Variants in ZZEF1 observed in about 807,000 individuals in gnomAD.
ZZEF1 encodes zinc finger ZZ-type and EF-hand domain-containing protein 1.
A neutral mutation model predicts 342.8 loss-of-function variants in ZZEF1; 157 were observed. The observed-to-expected ratio is 0.46, with a 90% confidence interval of 0.40 to 0.52. The LOEUF is 0.52. ZZEF1 is among the 20% of genes least tolerant of loss of function. The pLI is 0.00. For synonymous variants in ZZEF1, 1,505 were observed against 1,429.1 expected (o/e 1.05, Z -1.20); for missense variants, 3,480 against 3,725.6 (o/e 0.93, Z 1.72).
intron 3 of ZZEF1, among the ~76,000 whole-genome samples, chr17:4,116,516 C>G (rs1360371616): frequency 1.3e-5 from 2 of 152,248 alleles, no homozygotes; most frequent in Admixed American, 1.3e-4. Flanking sequence ...CTGTTGCCAT[C>G]TCCAAGTGAG....
chr17:4,135,251 G>A (rs2058730052), intron 1 of ZZEF1, among the ~76,000 whole-genome samples: 2 of 152,150 alleles, frequency 1.3e-5, no homozygotes, highest in Non-Finnish European at 2.9e-5. Context: ...CAAGGCAGTA[G>A]GATTGCTTGA....
At chr17:4,069,788 G>A (rs1033384428) in intron 26 of ZZEF1, among the ~76,000 whole-genome samples, 1 of 152,126 alleles carries the variant, frequency 6.6e-6, no homozygotes, top group Admixed American at 6.5e-5. Flanking sequence ...TCAAGATCGC[G>A]CCACTGCACT....
intron 39 of ZZEF1, among the ~76,000 whole-genome samples, chr17:4,036,281 G>A (rs1329920096): frequency 6.6e-6 from 1 of 152,140 alleles, no homozygotes; most frequent in East Asian, 1.9e-4. Context: ...ATTCTCATGT[G>A]TGTGTGGGGT....
Position 4,008,844 on chromosome 17 carries a change from C to T in ZZEF1, c.8805+39G>A, listed in dbSNP as rs2055868763. ...CTGGCAATGGTGAGATGGTGGCGCCCCAGCCTGGGGGCCAGCTCTGTTGGG... is the reference window on the plus strand; with the variant it reads ...CTGGCAATGGTGAGATGGTGGCGCCTCAGCCTGGGGGCCAGCTCTGTTGGG... On this transcript the variant is annotated intron_variant, in intron 54 of 54. Coordinates refer to ENST00000381638, the MANE Select transcript of ZZEF1 (RefSeq NM_015113.4). This position sits in a 1 kb window ranked among gnomAD's most constrained non-coding sequence, Gnocchi z 4.2. 1.9e-6 allele frequency: 3 copies of T among 1,541,472 alleles called. No homozygotes were observed. The highest frequency in any genetic ancestry group is 2.7e-5 in the African/African-American group (2 of 73,068).
At chr17:4,089,168 G>A (rs1368642389) in intron 12 of ZZEF1, among the ~76,000 whole-genome samples, 1 of 152,140 alleles carries the variant, frequency 6.6e-6, no homozygotes, top group Non-Finnish European at 1.5e-5. Context: ...CCAGAATAGA[G>A]GATGAAGAAA....
In ZZEF1 at chr17:4,019,782, G is replaced by T. The variant is rs757052886; in HGVS notation, c.7405-13C>A. 10 of 1,594,080 alleles carry T rather than the reference G, an allele frequency of 6.3e-6. No individual in the cohort carries two copies. In the East Asian group the frequency reaches 1.1e-4, roughly 18 times the overall value. ...CATCATGAGCCATCTGGAGGCCAGGGGAGGACGCAGACAAGAACCATTAAC... is the reference window on the plus strand; with the variant it reads ...CATCATGAGCCATCTGGAGGCCAGGTGAGGACGCAGACAAGAACCATTAAC... On this transcript the variant is annotated splice_polypyrimidine_tract_variant and intron_variant, in intron 45 of 54. Coordinates refer to ENST00000381638, the MANE Select transcript of ZZEF1 (RefSeq NM_015113.4).
intron 54 of ZZEF1, 86 bp from the exon 55 acceptor site, chr17:4,007,056 A>C (rs1161420484): frequency 3.2e-6 from 4 of 1,250,118 alleles, no homozygotes; most frequent in Non-Finnish European, 4.4e-6. Flanking sequence ...CTGAGCACTG[A>C]GGATGTGGGG....
At chr17:4,018,094 T>C (rs1260328455) in intron 46 of ZZEF1, 123 bp from the exon 47 acceptor site, 10 of 1,308,180 alleles carry the variant, frequency 7.6e-6, no homozygotes, top group South Asian at 1.4e-5. Flanking sequence ...GACATTATCA[T>C]ATTCCGTGTT....
chr17:4,065,405 A>C (rs2057372896), intron 28 of ZZEF1, among the ~76,000 whole-genome samples: 1 of 152,040 alleles, frequency 6.6e-6, no homozygotes, highest in East Asian at 1.9e-4. Flanking sequence ...TCCAAAAAAA[A>C]AAACAAACAA....
intron 52 of ZZEF1, among the ~76,000 whole-genome samples, chr17:4,012,390 GA>G (rs1220311745): frequency 6.6e-6 from 1 of 152,144 alleles, no homozygotes; most frequent in East Asian, 1.9e-4. Flanking sequence ...TTATTTTAAT[GA>G]CAGTTCCATA....
chr17:4,106,274 C>A (rs1374218891), intron 6 of ZZEF1, among the ~76,000 whole-genome samples: 1 of 152,056 alleles, frequency 6.6e-6, no homozygotes, highest in Non-Finnish European at 1.5e-5. Context: ...CCAGGAGTCA[C>A]AGTGCTAAGT....
chr17:4,010,336 AGAGT>A (rs2055914173), intron 52 of ZZEF1, among the ~76,000 whole-genome samples: 1 of 146,886 alleles, frequency 6.8e-6, no homozygotes, highest in Admixed American at 6.8e-5. Flanking sequence ...CCTGGGCAAC[AGAGT>A]GAGACCTTGT....
chr17:4,108,406 GGTCAAGGAAATACTGAGGAAA>G lies in ZZEF1; in HGVS notation c.1277+1226_1277+1246del, dbSNP rs1210804631. ...GACCTGTAATTTTCAAAAGTATCAGGGTCAAGGAAATACTGAGGAAAGTCAAGGAAATACTGAGGAATTGTT... is the reference window on the plus strand; with the variant it reads ...GACCTGTAATTTTCAAAAGTATCAGGGTCAAGGAAATACTGAGGAATTGTT... On this transcript the variant is annotated intron_variant, in intron 6 of 54. Coordinates refer to ENST00000381638, the MANE Select transcript of ZZEF1 (RefSeq NM_015113.4). Among the ~76,000 whole-genome samples, 23 of 152,224 alleles carry G rather than the reference GGTCAAGGAAATACTGAGGAAA, an allele frequency of 1.5e-4. 1 individual carries two copies. In the East Asian group the frequency reaches 2.7e-3, roughly 18 times the overall value.
rs747470073 is a variant in ZZEF1 at position 4,022,720 on chromosome 17, G to A, written c.7201C>T (p.Arg2401Trp). 25 of 1,613,768 alleles carry A rather than the reference G, an allele frequency of 1.5e-5. No individual in the cohort carries two copies. Among genetic ancestry groups the A allele is most frequent in the South Asian group, 1.3e-4 (12 of 91,050 alleles). The change falls in exon 44 of 55, where the codon CGG (arginine) becomes TGG (tryptophan). Residue 2401 changes from arginine to tryptophan, a missense_variant. Arg to Trp is a moderately radical substitution (Grantham distance 101, BLOSUM62 -3). Around this residue, in one of 5 missense-constraint regions of ZZEF1, gnomAD observed 1,269 missense variants for 1,342.4 expected, o/e 0.95. Coordinates refer to ENST00000381638, the MANE Select transcript of ZZEF1 (RefSeq NM_015113.4). ...GTGFSKTWLL[R>W]DLEILSIMLY... The stretch of plus-strand genomic sequence containing the variant: ...CTCTCGTCTCTTACTTCCAGGTCCC[G>A]GAGGAGCCACGTTTTACTAAAGCCA...
chr17:4,104,140 G>C (rs570866642), intron 8 of ZZEF1, among the ~76,000 whole-genome samples: 22 of 152,248 alleles, frequency 1.4e-4, no homozygotes, highest in African/African-American at 4.3e-4. Flanking sequence ...TAGGCCCAAG[G>C]GGGGAAAGCA....
chr17:4,004,630 GTCA>G lies in ZZEF1; in HGVS notation c.*2257_*2259del, dbSNP rs1441738257. The G allele has an allele frequency of 6.6e-6, 1 of 152,502 alleles. No individual in the cohort carries two copies. The highest frequency in any genetic ancestry group is 2.4e-5 in the African/African-American group (1 of 41,452). 9.4% of individuals were successfully genotyped at this position (152,502 alleles called of 1,614,324 possible). On this transcript the variant is annotated 3_prime_UTR_variant, in exon 55 of 55. Coordinates refer to ENST00000381638, the MANE Select transcript of ZZEF1 (RefSeq NM_015113.4). ...AAATTAAAAACGGTGATGAAAATACGTCACTCCTCTCGTTAGGAACAGTGTCTG... is the reference window on the plus strand; with the variant it reads ...AAATTAAAAACGGTGATGAAAATACGCTCCTCTCGTTAGGAACAGTGTCTG...
chr17:4,059,422 T>C (rs538102533), intron 30 of ZZEF1, 132 bp from the exon 31 acceptor site: 3 of 1,108,960 alleles, frequency 2.7e-6, no homozygotes, highest in Non-Finnish European at 3.8e-6. Context: ...CTTAAGTAAA[T>C]ACAAATATAA....
intron 2 of ZZEF1, among the ~76,000 whole-genome samples, chr17:4,119,622 A>ACT (rs1218971337): frequency 6.6e-6 from 1 of 152,194 alleles, no homozygotes; most frequent in Non-Finnish European, 1.5e-5. Flanking sequence ...TCAGCCACTC[A>ACT]CATGACATGA....
chr17:4,023,386 C>T (rs1232064326), intron 43 of ZZEF1, among the ~76,000 whole-genome samples: 1 of 152,166 alleles, frequency 6.6e-6, no homozygotes, highest in African/African-American at 2.4e-5. Flanking sequence ...TTCCATCTGG[C>T]CCTTGGTGCT....
Sources: allele counts gnomAD v4.1 joint callset (sites outside exome capture counted in the v4.1 genomes callset), GRCh38; gene constraint gnomAD v4.1.1; regional missense constraint gnomAD v4.1.1; non-coding constraint Gnocchi (gnomAD v3.1); transcripts MANE v1.5; gene names NCBI Gene and HGNC (gene_info 2026-07-23, HGNC 2026-07-21).